The following FNIP1 variants were observed in gnomAD, a reference collection of about 807,000 sequenced individuals.
FNIP1 encodes folliculin-interacting protein 1.
Under a neutral mutation model 124.5 loss-of-function variants are expected in FNIP1, and 40 were observed. The observed-to-expected ratio is 0.32, with a 90% CI of 0.25 to 0.42. The LOEUF (loss-of-function observed/expected upper bound fraction) is 0.42, where lower values mean the gene tolerates loss of function less well. FNIP1 is among the 10% of genes least tolerant of loss of function. The pLI is 1.00. For missense variants in FNIP1, 1,176 were observed against 1,403.7 expected (o/e 0.84, Z 2.59); for synonymous variants, 472 against 470.6 (o/e 1.00, Z -0.04).
At chr5:131,781,584 T>C (rs1321649254) in intron 1 of FNIP1, among the ~76,000 whole-genome samples, 1 of 152,226 alleles carries the variant, frequency 6.6e-6, no homozygotes. Flanking sequence ...AACAACAAAG[T>C]CTGGATGACA....
intron 8 of FNIP1, 132 bp downstream of exon 8, chr5:131,709,069 C>T: frequency 1.4e-6 from 1 of 701,580 alleles, no homozygotes; most frequent in African/African-American, 1.8e-5. Flanking sequence ...AGACTTTGCT[C>T]TGGTCTTTTC....
chr5:131,659,304 AG>A, intron 15 of FNIP1, among the ~76,000 whole-genome samples: 1 of 152,356 alleles, frequency 6.6e-6, no homozygotes, highest in South Asian at 2.1e-4. Context: ...TGGATGTCAC[AG>A]GATTCCATGC....
At chr5:131,664,062 A>G (rs1196422922) in intron 15 of FNIP1, among the ~76,000 whole-genome samples, 4 of 152,170 alleles carry the variant, frequency 2.6e-5, no homozygotes, top group Admixed American at 6.5e-5. Context: ...GGTTGATCTC[A>G]TAAAGGAAGT....
intron 6 of FNIP1, 43 bp from the exon 7 acceptor site, chr5:131,710,704 A>C: frequency 6.4e-7 from 1 of 1,572,218 alleles, no homozygotes; most frequent in Non-Finnish European, 8.7e-7. Flanking sequence ...GAGGACTGTT[A>C]GAGAAGCCAC....
intron 1 of FNIP1, among the ~76,000 whole-genome samples, chr5:131,753,763 A>T (rs1292356520): frequency 6.6e-6 from 1 of 152,238 alleles, no homozygotes; most frequent in Non-Finnish European, 1.5e-5. Context: ...TACTAAAAAA[A>T]GTAATACTAT....
intron 1 of FNIP1, among the ~76,000 whole-genome samples, chr5:131,787,844 C>T (rs1419279116): frequency 6.6e-6 from 1 of 152,110 alleles, no homozygotes; most frequent in Non-Finnish European, 1.5e-5. Flanking sequence ...GGTGCAGCAG[C>T]TCACACCTGT....
chr5:131,745,673 G>A lies in FNIP1; in HGVS notation c.93-983C>T, dbSNP rs141774965. On this transcript the variant is annotated intron_variant, in intron 1 of 17. Transcript: ENST00000510461. ...AACAAATCCCAGTAAAAATGAAGTT[G>A]ATCCCAGCAATTCCACTTCGGAAAA... is the stretch of plus-strand genomic sequence containing the variant. Among the ~76,000 whole-genome samples, 798 of 151,984 alleles carry A rather than the reference G, an allele frequency of 5.3e-3. 4 individuals are homozygous for A. The highest frequency in any genetic ancestry group is 0.018 in the African/African-American group (766 of 41,440).
chr5:131,726,798 T>C (rs1255756395), intron 3 of FNIP1, among the ~76,000 whole-genome samples: 2 of 152,204 alleles, frequency 1.3e-5, no homozygotes, highest in Non-Finnish European at 1.5e-5. Flanking sequence ...CTGTGGGCAT[T>C]TAGTGCTATA....
chr5:131,720,339 T>A (rs1229366494), intron 3 of FNIP1, among the ~76,000 whole-genome samples: 4 of 152,056 alleles, frequency 2.6e-5, no homozygotes, highest in African/African-American at 7.2e-5. Flanking sequence ...TGCACAAAAA[T>A]CAACTGAATA....
chr5:131,671,453 G>T (rs1387087301), intron 14 of FNIP1, 52 bp downstream of exon 14: 5 of 1,367,178 alleles, frequency 3.7e-6, no homozygotes, highest in Non-Finnish European at 5.0e-6. Context: ...CTAAAAAAGA[G>T]AATGGTACAT....
chr5:131,781,492 A>T (rs1406818549), intron 1 of FNIP1, among the ~76,000 whole-genome samples: 1 of 152,212 alleles, frequency 6.6e-6, no homozygotes, highest in East Asian at 1.9e-4. Flanking sequence ...TTTAAGTTGA[A>T]GCCAAAGCTC....
chr5:131,724,294 C>T (rs1769779890), intron 3 of FNIP1, among the ~76,000 whole-genome samples: 1 of 152,164 alleles, frequency 6.6e-6, no homozygotes. Flanking sequence ...CACTGTCTTC[C>T]ATAATGGTTG....
Position 131,672,246 on chromosome 5 carries a change from G to A in FNIP1, c.2198C>T (p.Pro733Leu), listed in dbSNP as rs1767780189. The stretch of plus-strand genomic sequence containing the variant: ...TGAAGCAGGCACAATCTTATCTGGA[G>A]GTTTTTTTTCCACAACCATTCCTGT... Reference protein sequence around the residue: ...RSTGMVVEKKPPDKIVPASFS... With the variant: ...RSTGMVVEKKLPDKIVPASFS... Residue 733 changes from proline (P) to leucine (L), a missense_variant, in exon 14 of 18, where the codon CCT becomes CTT. Around this residue, in one of 2 missense-constraint regions of FNIP1, gnomAD observed 1,109 missense variants for 1,288.5 expected, o/e 0.86. Transcript: ENST00000510461. 12 of 1,614,016 alleles carry A rather than the reference G, an allele frequency of 7.4e-6. No homozygotes were observed. The highest frequency in any genetic ancestry group is 8.5e-6 in the Non-Finnish European group (10 of 1,180,014).
At chr5:131,706,336 G>C in intron 9 of FNIP1, 75 bp downstream of exon 9, 3 of 1,404,790 alleles carry the variant, frequency 2.1e-6, no homozygotes, top group Admixed American at 2.5e-5. Context: ...TACAAGTCCA[G>C]GTTCTAAAAA....
chr5:131,778,224 C>T (rs1253672791), intron 1 of FNIP1, among the ~76,000 whole-genome samples: 1 of 152,094 alleles, frequency 6.6e-6, no homozygotes, highest in Non-Finnish European at 1.5e-5. Context: ...CAACATACCA[C>T]CACCTATGAC....
intron 1 of FNIP1, among the ~76,000 whole-genome samples, chr5:131,756,596 G>A (rs1160934297): frequency 6.6e-6 from 1 of 152,122 alleles, no homozygotes; most frequent in East Asian, 1.9e-4. Flanking sequence ...CCGGGCAAGG[G>A]TGCCCCTAAT....
chr5:131,731,332 G>A (rs1460195961), intron 2 of FNIP1, among the ~76,000 whole-genome samples: 1 of 152,008 alleles, frequency 6.6e-6, no homozygotes, highest in Non-Finnish European at 1.5e-5. Flanking sequence ...ATAATATATT[G>A]CAGTAGTTTT....
chr5:131,710,687 C>G, intron 6 of FNIP1, 26 bp from the exon 7 acceptor site: 1 of 1,604,730 alleles, frequency 6.2e-7, no homozygotes, highest in Non-Finnish European at 8.5e-7. Context: ...GTAAAATACA[C>G]ATGAAAGAGG....
At chr5:131,664,035 G>T (rs1767521336) in intron 15 of FNIP1, among the ~76,000 whole-genome samples, 1 of 152,208 alleles carries the variant, frequency 6.6e-6, no homozygotes, top group South Asian at 2.1e-4. Context: ...TAAGCAAGGT[G>T]TAGAGGGTTT....
Sources: gnomAD v4.1 joint callset for allele counts (sites outside exome capture counted in the v4.1 genomes callset) on GRCh38, gnomAD v4.1.1 for gene constraint, gnomAD v4.1.1 regional missense constraint, MANE v1.5 for transcripts, NCBI Gene and HGNC (gene_info 2026-07-23, HGNC 2026-07-21) for gene names.